AFF3: variants seen among roughly 807,000 people sequenced by gnomAD.
The protein encoded by AFF3 is ALF transcription elongation factor 3.
AFF3 carries 32 observed loss-of-function variants against 129.7 expected under a neutral mutation model. The observed-to-expected ratio is 0.25, with a 90% confidence interval of 0.19 to 0.33. The LOEUF is 0.33. Among genes scored for constraint, AFF3 ranks in the 10% least tolerant of loss-of-function variants. The pLI is 1.00. For synonymous variants in AFF3, 644 were observed against 635.4 expected (o/e 1.01, Z -0.20); for missense variants, 1,373 against 1,592.0 (o/e 0.86, Z 2.34).
chr2:99,597,581 A>G (rs1246864957), intron 14 of AFF3, among the ~76,000 whole-genome samples: 6 of 152,272 alleles, frequency 3.9e-5, no homozygotes, highest in Non-Finnish European at 8.8e-5. Flanking sequence ...TTATTCCTTT[A>G]TTATCATCAT....
intron 13 of AFF3, among the ~76,000 whole-genome samples, chr2:99,648,885 G>GCACACA (rs1185084808): frequency 9.6e-5 from 9 of 93,764 alleles, no homozygotes; most frequent in African/African-American, 1.6e-4. Flanking sequence ...AAACACGCGC[G>GCACACA]CACACACACA....
At chr2:99,881,085 A>G (rs1692676621) in intron 7 of AFF3, among the ~76,000 whole-genome samples, 1 of 152,198 alleles carries the variant, frequency 6.6e-6, no homozygotes, top group African/African-American at 2.4e-5. Flanking sequence ...AAACACGGCT[A>G]TTTAGAATTC....
intron 1 of AFF3, among the ~76,000 whole-genome samples, chr2:100,136,509 T>TA (rs1692646893): frequency 6.6e-6 from 1 of 152,216 alleles, no homozygotes; most frequent in African/African-American, 2.4e-5. Context: ...GTCCTCATTC[T>TA]TGAAATTACT....
chr2:100,072,273 T>C (rs1688250360), intron 4 of AFF3, among the ~76,000 whole-genome samples: 2 of 152,160 alleles, frequency 1.3e-5, no homozygotes, highest in African/African-American at 2.4e-5. Flanking sequence ...TAAACCCTAT[T>C]GTGAACTGTG....
chr2:99,594,401 G>T, intron 14 of AFF3, 112 bp from the exon 15 acceptor site: 1 of 1,433,564 alleles, frequency 7.0e-7, no homozygotes, highest in Non-Finnish European at 9.4e-7. Flanking sequence ...AGCAGAAAAC[G>T]AATGGGCTGG....
intron 13 of AFF3, among the ~76,000 whole-genome samples, chr2:99,628,237 T>C (rs1647649305): frequency 6.6e-6 from 1 of 152,238 alleles, no homozygotes; most frequent in Non-Finnish European, 1.5e-5. Flanking sequence ...TCTGATTTCC[T>C]TGGGCAGTGG....
chr2:100,138,139 T>C (rs2105609788), intron 1 of AFF3, among the ~76,000 whole-genome samples: 1 of 152,320 alleles, frequency 6.6e-6, no homozygotes, highest in South Asian at 2.1e-4. Context: ...CACCACCAAC[T>C]ATCTTCCCTT....
intron 11 of AFF3, among the ~76,000 whole-genome samples, chr2:99,715,664 C>A (rs1678306124): frequency 7.0e-6 from 1 of 143,082 alleles, no homozygotes; most frequent in Admixed American, 7.4e-5. Context: ...TTATGTAGGT[C>A]ATTTCAAATC....
chr2:99,817,773 C>A (rs1687355723), intron 8 of AFF3, among the ~76,000 whole-genome samples: 1 of 152,192 alleles, frequency 6.6e-6, no homozygotes, highest in African/African-American at 2.4e-5. Flanking sequence ...GCACATGTTG[C>A]AGCTTCCATT....
chr2:99,650,732 A>C (rs2105621362), intron 12 of AFF3, among the ~76,000 whole-genome samples: 1 of 152,034 alleles, frequency 6.6e-6, no homozygotes, highest in South Asian at 2.1e-4. Flanking sequence ...GAAATGAACA[A>C]AACTTTCATT....
rs751882272 is a variant in AFF3, at chr2:99,993,792, C to CTT, written c.873+12838_873+12839dup. Among the ~76,000 whole-genome samples the CTT allele has an allele frequency of 8.7e-3, 628 of 72,554 alleles. 72 individuals are homozygous for CTT. The highest frequency in any genetic ancestry group is 0.035 in the East Asian group (66 of 1,888). The allele number at this position is 72,554 out of a possible 152,430, so 47.6% of individuals were successfully genotyped here. On this transcript the variant is annotated intron_variant, in intron 7 of 24. Coordinates refer to ENST00000672756, the MANE Select transcript of AFF3 (RefSeq NM_001386135.1). Reference sequence around the variant, plus strand: ...CAAGTAATGTGTACAAACACTTTATCTTTTTTTTTTTTTTTTTTTTTTTTT... The same window carrying CTT: ...CAAGTAATGTGTACAAACACTTTATCTTTTTTTTTTTTTTTTTTTTTTTTTTT...
intron 16 of AFF3, among the ~76,000 whole-genome samples, chr2:99,586,160 T>C (rs2104877104): frequency 6.6e-6 from 1 of 152,360 alleles, no homozygotes; most frequent in South Asian, 2.1e-4. Context: ...CACTAAAGGA[T>C]ATCACACATT....
chr2:99,774,997 A>G (rs1350471040), intron 8 of AFF3, among the ~76,000 whole-genome samples: 2 of 152,244 alleles, frequency 1.3e-5, no homozygotes, highest in Non-Finnish European at 2.9e-5. Context: ...AAAAAGCTCA[A>G]CATCATTGAT....
At chr2:99,894,357 G>T (rs1303683208) in intron 7 of AFF3, among the ~76,000 whole-genome samples, 2 of 152,078 alleles carry the variant, frequency 1.3e-5, no homozygotes, top group Non-Finnish European at 2.9e-5. Context: ...AGAGAAAAAA[G>T]GGAGGAGGAA....
chr2:100,002,248 G>C (rs959575698), intron 7 of AFF3, among the ~76,000 whole-genome samples: 1 of 152,124 alleles, frequency 6.6e-6, no homozygotes, highest in African/African-American at 2.4e-5. Context: ...TGCCCGACAG[G>C]CTGGTGCCGA....
chr2:99,657,226 G>A (rs1031716838), intron 12 of AFF3, among the ~76,000 whole-genome samples: 7 of 152,224 alleles, frequency 4.6e-5, no homozygotes, highest in African/African-American at 1.7e-4. Context: ...ACTGATGCTT[G>A]TGTGATTTTC....
At chr2:99,712,045 C>T (rs748588961) in intron 11 of AFF3, among the ~76,000 whole-genome samples, 12 of 152,170 alleles carry the variant, frequency 7.9e-5, no homozygotes, top group Admixed American at 3.3e-4. Flanking sequence ...AGACTGTTCC[C>T]CACCTTAATC....
At chr2:99,581,274 A>T (rs1217083555) in intron 17 of AFF3, among the ~76,000 whole-genome samples, 1 of 152,206 alleles carries the variant, frequency 6.6e-6, no homozygotes, top group Non-Finnish European at 1.5e-5. Flanking sequence ...AAATAAAAAA[A>T]CTTGAGTTGG....
At chr2:99,581,848 T>C (rs1677586313) in intron 17 of AFF3, among the ~76,000 whole-genome samples, 1 of 148,874 alleles carries the variant, frequency 6.7e-6, no homozygotes, top group Non-Finnish European at 1.5e-5. Flanking sequence ...TCCCTAGGTG[T>C]TGGAGTTTTT....
Sources: allele counts gnomAD v4.1 joint callset (sites outside exome capture counted in the v4.1 genomes callset), GRCh38; gene constraint gnomAD v4.1.1; transcripts MANE v1.5; gene names NCBI Gene and HGNC (gene_info 2026-07-23, HGNC 2026-07-21).